The following ZEB1 variants were observed in gnomAD, a reference collection of about 807,000 sequenced individuals.
The protein encoded by ZEB1 is zinc finger E-box binding homeobox 1.
A neutral mutation model predicts 84.9 loss-of-function variants in ZEB1; 21 were observed. The ratio of observed to expected loss-of-function variants is 0.25; its 90% confidence interval spans 0.18 to 0.36. The LOEUF (loss-of-function observed/expected upper bound fraction) is 0.36. Ranked by LOEUF, ZEB1 falls within the 10% of genes least tolerant of loss-of-function variation. ZEB1 has a pLI of 1.00. For synonymous variants in ZEB1, 420 were observed against 471.1 expected, an observed-to-expected ratio of 0.89 and a Z score of 1.41; for missense variants, 1,104 against 1,330.2, an observed-to-expected ratio of 0.83 and a Z score of 2.65.
Position 31,502,251 on chromosome 10 carries a change from T to G in ZEB1, c.323-97T>G. On this transcript the variant is annotated intron_variant, in intron 3 of 8. Transcript: ENST00000424869. ...ATATTTTCTGCAGATTCAAGAACAA[T>G]CATATGTTCTCTCAAGATAAATAAT... is the stretch of plus-strand genomic sequence containing the variant. The G allele has an allele frequency of 2.5e-6, 3 of 1,220,656 alleles. No individual in the cohort carries two copies. In the South Asian group the frequency reaches 4.1e-5, roughly 17 times the overall value. 75.6% of individuals were successfully genotyped at this position (1,220,656 alleles called of 1,614,324 possible).
intron 1 of ZEB1, among the ~76,000 whole-genome samples, chr10:31,446,006 TGTACCTCTG>T (rs2136801656): frequency 7.5e-6 from 1 of 133,624 alleles, no homozygotes; most frequent in South Asian, 2.8e-4. Context: ...AGTTCCTCCT[TGTACCTCTG>T]GTAGAATTCG....
At position 31,520,756 on chromosome 10, in the gene ZEB1, T is replaced by C. The variant is rs199595565; in HGVS notation, c.1424T>C (p.Ile475Thr). 1.2e-6 allele frequency: 2 copies of C among 1,614,078 alleles called. No individual in the cohort carries two copies. Among genetic ancestry groups the C allele is most frequent in the South Asian group, 1.1e-5 (1 of 91,080 alleles). Residue 475 changes from isoleucine to threonine, a missense_variant, in exon 7 of 9, where the codon ATC becomes ACC. Ile to Thr is a moderately conservative substitution (Grantham distance 89). This residue lies in a region of ZEB1 where 531 missense variants were observed against 575.2 expected (regional missense o/e 0.92). Transcript: ENST00000424869. The surrounding 1 kb of genome is among the most constrained non-coding windows in gnomAD (Gnocchi z 5.1). The stretch of plus-strand genomic sequence containing the variant: ...GATCAAGATGGAACAACCAAAATTA[T>C]CATCAACTACAGTCTTGAGCAGCCT... ...LVDQDGTTKI[I>T]INYSLEQPSQ...
intron 2 of ZEB1, among the ~76,000 whole-genome samples, chr10:31,478,841 C>T (rs920526027): frequency 2.0e-5 from 3 of 151,634 alleles, no homozygotes; most frequent in African/African-American, 7.3e-5. Context: ...AAATATCAGA[C>T]GTTGGAGACT....
At chr10:31,329,621 A>C (rs138411378) in intron 1 of ZEB1, among the ~76,000 whole-genome samples, 244 of 152,278 alleles carry the variant, frequency 1.6e-3, no homozygotes, top group Middle Eastern at 0.014. Context: ...ACTTGGTAAG[A>C]AGCTGCAAAA....
At chr10:31,416,069 C>T (rs1222063260) in intron 1 of ZEB1, among the ~76,000 whole-genome samples, 1 of 151,938 alleles carries the variant, frequency 6.6e-6, no homozygotes, top group Non-Finnish European at 1.5e-5. Flanking sequence ...AAATTATTTT[C>T]TCAGTTACAG....
intron 1 of ZEB1, among the ~76,000 whole-genome samples, chr10:31,367,238 T>G (rs2044698165): frequency 6.6e-6 from 1 of 152,222 alleles, no homozygotes; most frequent in Admixed American, 6.5e-5. Context: ...ACTGTATTTA[T>G]AAGATGATAC....
chr10:31,348,273 T>C (rs1010109597), intron 1 of ZEB1, among the ~76,000 whole-genome samples: 2 of 152,120 alleles, frequency 1.3e-5, no homozygotes, highest in Non-Finnish European at 2.9e-5. Flanking sequence ...TTTTTAAGAA[T>C]AGAGTCTAGG....
Position 31,421,929 on chromosome 10 carries a change from T to TC in ZEB1, c.59-39101dup, listed in dbSNP as rs576129319. On this transcript the variant is annotated intron_variant, in intron 1 of 8. Coordinates refer to ENST00000424869, the MANE Select transcript of ZEB1 (RefSeq NM_001174096.2). ...ACTGCACCAACTCAAATCACAGTATTCCCCCCCTCCCCGCTGATTTCAAGT... is the reference window on the plus strand; with the variant it reads ...ACTGCACCAACTCAAATCACAGTATTCCCCCCCCTCCCCGCTGATTTCAAGT... Among the ~76,000 whole-genome samples the TC allele has an allele frequency of 8.6e-5, 13 of 151,928 alleles. No individual in the cohort carries two copies. In the East Asian group the frequency reaches 9.7e-4, roughly 11 times the overall value.
At chr10:31,348,609 G>A (rs952815014) in intron 1 of ZEB1, among the ~76,000 whole-genome samples, 1 of 151,910 alleles carries the variant, frequency 6.6e-6, no homozygotes, top group Non-Finnish European at 1.5e-5. Context: ...ATAAAATTAT[G>A]TCAGATAGAC....
chr10:31,495,833 G>T lies in ZEB1; in HGVS notation c.317G>T (p.Cys106Phe), dbSNP rs367732931. ...GPEAQADEAGCTVKDDECESD... is the reference protein window; with the variant it reads ...GPEAQADEAGFTVKDDECESD... ...GAAGCTCAGGCAGATGAAGCAGGAT[G>T]TACAGGTACTCTGCTGCGACTTTCT... Residue 106 changes from cysteine (C) to phenylalanine (F), a missense_variant, in exon 3 of 9, where the codon TGT becomes TTT. Around this residue, in one of 7 missense-constraint regions of ZEB1, gnomAD observed 162 missense variants for 184.5 expected, o/e 0.88. Transcript: ENST00000424869. 1.3e-5 allele frequency: 21 copies of T among 1,612,916 alleles called. No homozygotes were observed. Among genetic ancestry groups the T allele is most frequent in the Non-Finnish European group, 1.7e-5 (20 of 1,179,094 alleles).
chr10:31,484,231 C>A (rs1387239483), intron 2 of ZEB1, among the ~76,000 whole-genome samples: 1 of 151,946 alleles, frequency 6.6e-6, no homozygotes, highest in African/African-American at 2.4e-5. Context: ...TCCATTTCAC[C>A]ATTTAAAGTA....
At chr10:31,386,412 A>T (rs2048647817) in intron 1 of ZEB1, among the ~76,000 whole-genome samples, 1 of 151,890 alleles carries the variant, frequency 6.6e-6, no homozygotes, top group South Asian at 2.1e-4. Context: ...CAAACTCCTC[A>T]GAACATTTGT....
chr10:31,524,290 C>T (rs1185296977), intron 8 of ZEB1, among the ~76,000 whole-genome samples, 177 bp downstream of exon 8: 1 of 151,752 alleles, frequency 6.6e-6, no homozygotes, highest in Non-Finnish European at 1.5e-5. Context: ...TCAATCTCGG[C>T]TCACTGCAAC....
chr10:31,500,682 C>G (rs1403985896), intron 3 of ZEB1, among the ~76,000 whole-genome samples: 1 of 152,062 alleles, frequency 6.6e-6, no homozygotes, highest in Non-Finnish European at 1.5e-5. Flanking sequence ...GAGGAATACG[C>G]CTTTTCTCTT....
At chr10:31,480,190 A>G (rs1414363919) in intron 2 of ZEB1, among the ~76,000 whole-genome samples, 3 of 152,052 alleles carry the variant, frequency 2.0e-5, no homozygotes, top group South Asian at 2.1e-4. Flanking sequence ...TTTTTCTCAC[A>G]TGTAGTTTTT....
At chr10:31,467,869 G>A (rs1564986507) in intron 2 of ZEB1, among the ~76,000 whole-genome samples, 1 of 152,138 alleles carries the variant, frequency 6.6e-6, no homozygotes, top group South Asian at 2.1e-4. Context: ...AGGGAGTCTT[G>A]CATTCTGGAA....
At chr10:31,350,863 C>T (rs2041207192) in intron 1 of ZEB1, among the ~76,000 whole-genome samples, 1 of 152,038 alleles carries the variant, frequency 6.6e-6, no homozygotes, top group African/African-American at 2.4e-5. Context: ...TACAGCTTGG[C>T]TGAATAGTGA....
rs1023085106 is a variant in ZEB1 at position 31,528,229 on chromosome 10, CTT to C, written c.*966_*967del. ...ATAACTAGCATTTGTTGATTTGTCT[CTT>C]GTATCAAAATTCCCAAATAAAACTT... is the stretch of plus-strand genomic sequence containing the variant. On this transcript the variant is annotated 3_prime_UTR_variant, in exon 9 of 9. Coordinates refer to ENST00000424869, the MANE Select transcript of ZEB1 (RefSeq NM_001174096.2). The C allele has an allele frequency of 2.6e-5, 4 of 152,302 alleles. No individual in the cohort carries two copies. The highest frequency in any genetic ancestry group is 4.1e-4 in the South Asian group (2 of 4,824). The allele number at this position is 152,302 out of a possible 1,614,324, so 9.4% of individuals were successfully genotyped here.
At chr10:31,440,572 G>A (rs1284385814) in intron 1 of ZEB1, among the ~76,000 whole-genome samples, 1 of 152,148 alleles carries the variant, frequency 6.6e-6, no homozygotes, top group Non-Finnish European at 1.5e-5. Flanking sequence ...TCAGGCAGGA[G>A]AAGGAAATAA....
Sources: gnomAD v4.1 joint callset for allele counts (sites outside exome capture counted in the v4.1 genomes callset) on GRCh38, gnomAD v4.1.1 for gene constraint, gnomAD v4.1.1 regional missense constraint, Gnocchi (gnomAD v3.1) non-coding constraint, MANE v1.5 for transcripts, NCBI Gene and HGNC (gene_info 2026-07-23, HGNC 2026-07-21) for gene names.